Variants in FAM227B observed in about 807,000 individuals in gnomAD.
FAM227B encodes the protein protein FAM227B.
A neutral mutation model predicts 73.8 loss-of-function variants in FAM227B; 88 were observed. The ratio of observed to expected loss-of-function variants is 1.19; its 90% CI spans 1.00 to 1.42. The LOEUF (loss-of-function observed/expected upper bound fraction) is 1.42, where lower values mean the gene tolerates loss of function less well. FAM227B is among the 40% of genes most tolerant of loss of function. The pLI is 0.00. For missense variants in FAM227B, 632 were observed against 590.9 expected (o/e 1.07, Z -0.72); for synonymous variants, 210 against 190.5 (o/e 1.10, Z -0.84).
At chr15:49,331,415 A>C (rs2038725244) in intron 15 of FAM227B, 2 of 198,684 alleles carry the variant, frequency 1.0e-5, no homozygotes, top group Non-Finnish European at 2.0e-5. Context: ...AATTGAGGGC[A>C]GGGACCATTC....
intron 12 of FAM227B, among the ~76,000 whole-genome samples, chr15:49,370,309 C>T (rs377621601): frequency 8.5e-5 from 13 of 152,196 alleles, no homozygotes; most frequent in African/African-American, 2.9e-4. Context: ...CTGTTACAAA[C>T]CCATGTGTTA....
chr15:49,391,387 A>G (rs2047202863), intron 11 of FAM227B, among the ~76,000 whole-genome samples: 1 of 152,104 alleles, frequency 6.6e-6, no homozygotes, highest in African/African-American at 2.4e-5. Flanking sequence ...TCGAGAAGTA[A>G]ATCAGCAACT....
intron 11 of FAM227B, among the ~76,000 whole-genome samples, chr15:49,392,530 G>A (rs976267100): frequency 6.6e-6 from 1 of 152,102 alleles, no homozygotes; most frequent in Non-Finnish European, 1.5e-5. Flanking sequence ...ATAAAAGTGA[G>A]GTTGAGTAAC....
intron 9 of FAM227B, among the ~76,000 whole-genome samples, chr15:49,544,593 G>A (rs1313775784): frequency 2.6e-5 from 4 of 152,070 alleles, no homozygotes; most frequent in Admixed American, 2.6e-4. Flanking sequence ...AGTTCTCAGG[G>A]GGCAATGCTT....
intron 11 of FAM227B, among the ~76,000 whole-genome samples, chr15:49,407,674 G>A (rs1032744150): frequency 1.4e-5 from 2 of 147,212 alleles, no homozygotes; most frequent in African/African-American, 5.0e-5. Context: ...ATTATATATA[G>A]TACTAATATA....
At chr15:49,520,294 C>T (rs1033535961) in intron 10 of FAM227B, among the ~76,000 whole-genome samples, 1 of 152,202 alleles carries the variant, frequency 6.6e-6, no homozygotes, top group Admixed American at 6.5e-5. Context: ...CCACATCTTC[C>T]TGTCTTCTGA....
At position 49,328,795 on chromosome 15, in the gene FAM227B, A is replaced by G. The variant is rs1361534844; in HGVS notation, c.1420-120T>C. Reference sequence around the variant, plus strand: ...AAGGATTTTTTTTTTTTTTTGACAAAAGGAGGATACAGGAAGAAAATTCAG... The same window carrying G: ...AAGGATTTTTTTTTTTTTTTGACAAGAGGAGGATACAGGAAGAAAATTCAG... On this transcript the variant is annotated intron_variant, in intron 15 of 15. Coordinates refer to ENST00000299338, the MANE Select transcript of FAM227B (RefSeq NM_152647.3). The G allele has an allele frequency of 4.9e-6, 7 of 1,429,240 alleles. No individual in the cohort carries two copies. In the African/African-American group the frequency reaches 5.7e-5, roughly 12 times the overall value. 88.5% of individuals were successfully genotyped at this position (1,429,240 alleles called of 1,614,324 possible). A position where few individuals can be genotyped will look rare whatever the true frequency, so the allele number is the denominator to read the frequency against.
rs565327148 is a variant in FAM227B at position 49,556,066 on chromosome 15, G to A, written c.747+12179C>T. 5.9e-5 allele frequency among the ~76,000 whole-genome samples: 9 copies of A among 152,112 alleles called. 1 individual carries two copies. The highest frequency in any genetic ancestry group is 2.2e-4 in the African/African-American group (9 of 41,414). ...CATATTTGACCTGCTCATCGAGTCT[G>A]ACAAGTGACCCGGGAACCATTTCAT... is the stretch of plus-strand genomic sequence containing the variant. On this transcript the variant is annotated intron_variant, in intron 9 of 15. Transcript: ENST00000299338.
chr15:49,590,037 C>A lies in FAM227B; in HGVS notation c.106-30G>T, dbSNP rs56365767. The A allele has an allele frequency of 4.6e-3, 5,118 of 1,119,198 alleles. 185 individuals carry two copies. The African/African-American group carries it at 0.071, about 16-fold the overall frequency. The allele number at this position is 1,119,198 out of a possible 1,614,324, so 69.3% of individuals were successfully genotyped here. On this transcript the variant is annotated intron_variant, in intron 3 of 15. Coordinates refer to ENST00000299338, the MANE Select transcript of FAM227B (RefSeq NM_152647.3). Reference sequence around the variant, plus strand: ...AAAAAACGTGAAAGAGAGAATATAGCTTAAGTCATTTTTAATGAATTTAAA... The same window carrying A: ...AAAAAACGTGAAAGAGAGAATATAGATTAAGTCATTTTTAATGAATTTAAA...
chr15:49,365,819 G>A (rs919402578), intron 13 of FAM227B: 11 of 868,634 alleles, frequency 1.3e-5, no homozygotes, highest in Middle Eastern at 3.4e-4. Flanking sequence ...AGAAACATAA[G>A]TCTCACTTCC....
chr15:49,488,313 G>A (rs1170372174), intron 11 of FAM227B: 2 of 151,944 alleles, frequency 1.3e-5, no homozygotes, highest in Non-Finnish European at 2.9e-5. Flanking sequence ...ATTCAACCAA[G>A]CTGCTGCTTT....
chr15:49,491,273 C>T (rs182037428), intron 11 of FAM227B, among the ~76,000 whole-genome samples: 6 of 151,936 alleles, frequency 3.9e-5, no homozygotes, highest in African/African-American at 1.2e-4. Context: ...TCATATACTG[C>T]CTAATTCTTT....
chr15:49,358,870 G>C (rs2151381358), intron 13 of FAM227B, among the ~76,000 whole-genome samples: 1 of 150,452 alleles, frequency 6.6e-6, no homozygotes, highest in East Asian at 2.0e-4. Flanking sequence ...AAACAGCATG[G>C]TACTGGTACC....
At chr15:49,554,493 CCT>C (rs1367903295) in intron 9 of FAM227B, among the ~76,000 whole-genome samples, 1 of 152,140 alleles carries the variant, frequency 6.6e-6, no homozygotes, top group East Asian at 1.9e-4. Flanking sequence ...CCACAATTCC[CCT>C]CTGTCTAGGG....
intron 9 of FAM227B, among the ~76,000 whole-genome samples, chr15:49,563,557 A>G: frequency 6.6e-6 from 1 of 152,164 alleles, no homozygotes; most frequent in Admixed American, 6.6e-5. Flanking sequence ...AAAAAGAACA[A>G]ATTCAGAGAC....
At chr15:49,555,519 A>G (rs2073564340) in intron 9 of FAM227B, among the ~76,000 whole-genome samples, 4 of 152,210 alleles carry the variant, frequency 2.6e-5, no homozygotes, top group Admixed American at 2.6e-4. Flanking sequence ...TCTGATGACT[A>G]TGTGACTTGG....
intron 11 of FAM227B, chr15:49,487,585 GAT>G (rs2056506850): frequency 6.6e-6 from 1 of 151,854 alleles, no homozygotes; most frequent in African/African-American, 2.4e-5. Flanking sequence ...AGAACATAAA[GAT>G]GTGCGAGGGG....
At chr15:49,398,110 A>C (rs919620273) in intron 11 of FAM227B, among the ~76,000 whole-genome samples, 1 of 152,194 alleles carries the variant, frequency 6.6e-6, no homozygotes, top group Non-Finnish European at 1.5e-5. Flanking sequence ...CCCATCTCAC[A>C]TGCAGAGACA....
intron 11 of FAM227B, among the ~76,000 whole-genome samples, chr15:49,464,185 A>G (rs1286478358): frequency 1.3e-5 from 2 of 152,122 alleles, no homozygotes; most frequent in African/African-American, 4.8e-5. Context: ...AGGTAATCAG[A>G]ATCTCCACAG....
Sources: allele counts gnomAD v4.1 joint callset (sites outside exome capture counted in the v4.1 genomes callset), GRCh38; gene constraint gnomAD v4.1.1; transcripts MANE v1.5; gene names NCBI Gene and HGNC (gene_info 2026-07-23, HGNC 2026-07-21).